ZNRF1: variants seen among roughly 807,000 people sequenced by gnomAD.
ZNRF1 encodes zinc and ring finger 1, also known as E3 ubiquitin-protein ligase ZNRF1.
Under a neutral mutation model 18.4 loss-of-function variants are expected in ZNRF1, and 3 were observed. The observed-to-expected ratio is 0.16, with a 90% CI of 0.07 to 0.42. The LOEUF is 0.42. ZNRF1 is among the 10% of genes least tolerant of loss of function. The pLI is 0.99. For synonymous variants in ZNRF1, 157 were observed against 144.2 expected (o/e 1.09, Z -0.64); for missense variants, 310 against 329.8 (o/e 0.94, Z 0.47).
intron 1 of ZNRF1, among the ~76,000 whole-genome samples, chr16:75,008,936 C>G (rs1027057205): frequency 3.9e-5 from 6 of 152,128 alleles, no homozygotes; most frequent in African/African-American, 1.4e-4. Flanking sequence ...AGCTAAGTAC[C>G]TACCAAGAAA....
At chr16:75,086,966 G>A (rs1053326673) in intron 1 of ZNRF1, among the ~76,000 whole-genome samples, 6 of 152,136 alleles carry the variant, frequency 3.9e-5, no homozygotes, top group East Asian at 1.9e-4. Flanking sequence ...AGGGAGGGCT[G>A]GGGAGGGAAA....
At chr16:75,051,200 C>T (rs1006388881) in intron 1 of ZNRF1, among the ~76,000 whole-genome samples, 6 of 151,940 alleles carry the variant, frequency 3.9e-5, no homozygotes, top group African/African-American at 7.3e-5. Flanking sequence ...CTACCCACCT[C>T]CAAATACATC....
At chr16:75,079,738 C>T (rs545152920) in intron 1 of ZNRF1, among the ~76,000 whole-genome samples, 2 of 152,288 alleles carry the variant, frequency 1.3e-5, no homozygotes, top group South Asian at 2.1e-4. Context: ...CAGTTGTGGC[C>T]TACTGGACTG....
intron 1 of ZNRF1, among the ~76,000 whole-genome samples, chr16:75,059,190 C>A (rs1597886289): frequency 7.2e-6 from 1 of 139,590 alleles, no homozygotes; most frequent in Non-Finnish European, 1.6e-5. Flanking sequence ...TTTTTCTTTT[C>A]TTTTCTTTTC....
At chr16:75,030,441 AAG>A (rs1029136089) in intron 1 of ZNRF1, among the ~76,000 whole-genome samples, 4 of 152,196 alleles carry the variant, frequency 2.6e-5, no homozygotes, top group Admixed American at 6.5e-5. Flanking sequence ...GGAAAAAAAA[AAG>A]AGAGAAATAT....
At chr16:75,070,642 C>T (rs1351392428) in intron 1 of ZNRF1, among the ~76,000 whole-genome samples, 1 of 152,110 alleles carries the variant, frequency 6.6e-6, no homozygotes, top group East Asian at 1.9e-4. Context: ...GTACTGACAT[C>T]CTAGGAACCC....
chr16:75,020,366 G>T (rs1173358271), intron 1 of ZNRF1, among the ~76,000 whole-genome samples: 1 of 151,690 alleles, frequency 6.6e-6, no homozygotes, highest in Non-Finnish European at 1.5e-5. Context: ...CTTTTGATTG[G>T]CATGTTTAAC....
At chr16:75,075,302 A>G (rs1308270680) in intron 1 of ZNRF1, among the ~76,000 whole-genome samples, 4 of 152,244 alleles carry the variant, frequency 2.6e-5, no homozygotes, top group African/African-American at 9.6e-5. Context: ...ACACCACAGC[A>G]TGGTGGCAGG....
At chr16:75,016,822 G>T (rs1158450653) in intron 1 of ZNRF1, among the ~76,000 whole-genome samples, 3 of 77,008 alleles carry the variant, frequency 3.9e-5, no homozygotes, top group African/African-American at 9.2e-5. Context: ...TGGGATTACA[G>T]GCGTGAGCCA....
intron 1 of ZNRF1, chr16:75,002,384 A>G (rs2034863321): frequency 6.6e-6 from 1 of 152,246 alleles, no homozygotes; most frequent in Non-Finnish European, 1.5e-5. Flanking sequence ...AGGTCTAAGC[A>G]GCTTTTGCTC....
At chr16:75,050,954 A>G (rs1180140982) in intron 1 of ZNRF1, among the ~76,000 whole-genome samples, 2 of 135,466 alleles carry the variant, frequency 1.5e-5, no homozygotes, top group East Asian at 4.9e-4. Context: ...GCACTTTGGG[A>G]GGCTGAAGCA....
chr16:75,009,003 G>C (rs2034960139), intron 1 of ZNRF1, among the ~76,000 whole-genome samples: 1 of 152,108 alleles, frequency 6.6e-6, no homozygotes, highest in Admixed American at 6.6e-5. Context: ...AATATCAAAA[G>C]AAAAACTGAT....
intron 1 of ZNRF1, among the ~76,000 whole-genome samples, chr16:75,013,074 C>T (rs572399624): frequency 3.9e-5 from 6 of 152,242 alleles, no homozygotes; most frequent in African/African-American, 1.4e-4. Context: ...ACTTTTAACT[C>T]CTTCAAACAA....
intron 1 of ZNRF1, among the ~76,000 whole-genome samples, chr16:75,008,948 T>A (rs985518440): frequency 6.6e-6 from 1 of 152,150 alleles, no homozygotes; most frequent in Non-Finnish European, 1.5e-5. Flanking sequence ...ACCAAGAAAT[T>A]CCTCGTATGT....
chr16:75,061,585 C>T (rs536275812), intron 1 of ZNRF1, among the ~76,000 whole-genome samples: 1 of 150,092 alleles, frequency 6.7e-6, no homozygotes. Context: ...ATGGGTGAAT[C>T]GTACTTCATA....
intron 1 of ZNRF1, among the ~76,000 whole-genome samples, chr16:75,011,103 T>C (rs990711702): frequency 3.3e-5 from 5 of 152,294 alleles, no homozygotes; most frequent in African/African-American, 9.6e-5. Flanking sequence ...ACTTCTTAGC[T>C]TTTTGGAGAT....
intron 1 of ZNRF1, among the ~76,000 whole-genome samples, chr16:75,079,993 G>A (rs1278416526): frequency 6.6e-6 from 1 of 152,252 alleles, no homozygotes; most frequent in African/African-American, 2.4e-5. Flanking sequence ...TTGGCTCGCT[G>A]CAACCTCCAC....
chr16:75,095,239 C>T (rs750143465), intron 2 of ZNRF1: 25 of 166,508 alleles, frequency 1.5e-4, no homozygotes, highest in African/African-American at 5.7e-4. Context: ...CACGGCCCTC[C>T]CCTGGGCATC....
chr16:75,077,853 C>CT (rs1051237938), intron 1 of ZNRF1, among the ~76,000 whole-genome samples: 1 of 152,208 alleles, frequency 6.6e-6, no homozygotes, highest in Non-Finnish European at 1.5e-5. Flanking sequence ...CTTCAAATCT[C>CT]TGTCTGTCTG....
Sources: gnomAD v4.1 joint callset for allele counts (sites outside exome capture counted in the v4.1 genomes callset) on GRCh38, gnomAD v4.1.1 for gene constraint, MANE v1.5 for transcripts, NCBI Gene and HGNC (gene_info 2026-07-23, HGNC 2026-07-21) for gene names.